Variants in ADAD1 observed in about 807,000 individuals in gnomAD.
ADAD1 encodes adenosine deaminase domain-containing protein 1.
In ADAD1, 46 loss-of-function variants were observed where a neutral mutation model predicts 66.8. The observed-to-expected ratio is 0.69, with a 90% CI of 0.54 to 0.88. The LOEUF is 0.88. Among genes scored for constraint, ADAD1 ranks in the 40% least tolerant of loss-of-function variants. The pLI is 0.00. For synonymous variants in ADAD1, 248 were observed against 229.4 expected (o/e 1.08, Z -0.73); for missense variants, 617 against 681.8 (o/e 0.91, Z 1.06).
In ADAD1 at chr4:122,403,511, C is replaced by T. The variant is rs914302942; in HGVS notation, c.725-4397C>T. Among the ~76,000 whole-genome samples, 4 of 152,178 alleles carry T rather than the reference C, an allele frequency of 2.6e-5. No individual in the cohort carries two copies. The East Asian group carries it at 7.7e-4, about 29-fold the overall frequency. Reference sequence around the variant, plus strand: ...GTTGTCACATGGACAGACTCAGGACCTCTGCTTAGCCAGGATGTTGCAGGC... The same window carrying T: ...GTTGTCACATGGACAGACTCAGGACTTCTGCTTAGCCAGGATGTTGCAGGC... On this transcript the variant is annotated intron_variant, in intron 7 of 12. Coordinates refer to ENST00000296513, the MANE Select transcript of ADAD1 (RefSeq NM_139243.4).
intron 7 of ADAD1, among the ~76,000 whole-genome samples, chr4:122,402,666 T>C (rs1047757142): frequency 1.3e-5 from 2 of 151,984 alleles, no homozygotes; most frequent in Admixed American, 1.3e-4. Context: ...TAATCCCAAA[T>C]TTCTTGGAGG....
intron 11 of ADAD1, among the ~76,000 whole-genome samples, chr4:122,418,034 A>G (rs1796822824): frequency 6.6e-6 from 1 of 152,110 alleles, no homozygotes; most frequent in Non-Finnish European, 1.5e-5. Context: ...GTAACAATAA[A>G]TGATAGAAAT....
At chr4:122,399,531 G>T (rs545115458) in intron 7 of ADAD1, among the ~76,000 whole-genome samples, 2 of 152,160 alleles carry the variant, frequency 1.3e-5, no homozygotes, top group Admixed American at 1.3e-4. Flanking sequence ...AACAGTGATG[G>T]TATTTCTATG....
At chr4:122,409,925 C>T (rs1796394716) in intron 8 of ADAD1, among the ~76,000 whole-genome samples, 2 of 152,088 alleles carry the variant, frequency 1.3e-5, no homozygotes, top group African/African-American at 4.8e-5. Flanking sequence ...TGTGATCTGC[C>T]CCCCTCGGCC....
intron 11 of ADAD1, among the ~76,000 whole-genome samples, chr4:122,417,177 A>C (rs1796776308): frequency 6.6e-6 from 1 of 152,074 alleles, no homozygotes; most frequent in African/African-American, 2.4e-5. Context: ...TCTACTAAAA[A>C]TACAAAAGAT....
intron 12 of ADAD1, 79 bp from the exon 13 acceptor site, chr4:122,429,547 A>G (rs1797420757): frequency 1.4e-6 from 1 of 739,732 alleles, no homozygotes; most frequent in Non-Finnish European, 2.2e-6. Context: ...ATTTCAAGCT[A>G]AAGAAACAGT....
chr4:122,412,895 G>A (rs895871945), intron 10 of ADAD1, 86 bp downstream of exon 10: 16 of 1,137,628 alleles, frequency 1.4e-5, no homozygotes, highest in Middle Eastern at 2.1e-4. Flanking sequence ...ATTAGTTTTA[G>A]TTTTTGCATA....
chr4:122,389,707 G>A (rs1288098509), intron 5 of ADAD1, among the ~76,000 whole-genome samples: 1 of 151,944 alleles, frequency 6.6e-6, no homozygotes, highest in East Asian at 1.9e-4. Context: ...CATTTACTTG[G>A]TAGATTTTCC....
chr4:122,409,923 G>GC (rs1397143642), intron 8 of ADAD1, among the ~76,000 whole-genome samples: 1 of 151,992 alleles, frequency 6.6e-6, no homozygotes, highest in African/African-American at 2.4e-5. Context: ...CTTGTGATCT[G>GC]CCCCCCTCGG....
At chr4:122,422,941 G>T (rs1580811202) in intron 12 of ADAD1, among the ~76,000 whole-genome samples, 1 of 108,478 alleles carries the variant, frequency 9.2e-6, no homozygotes, top group Admixed American at 1.3e-4. Flanking sequence ...GACAGAGCAA[G>T]ACCCTATTTC....
chr4:122,407,332 G>A (rs541204914), intron 7 of ADAD1, among the ~76,000 whole-genome samples: 75 of 152,278 alleles, frequency 4.9e-4, no homozygotes, highest in African/African-American at 1.8e-3. Flanking sequence ...TTTGAATTGT[G>A]TATTTTTGGA....
At chr4:122,400,512 G>T (rs1795924749) in intron 7 of ADAD1, among the ~76,000 whole-genome samples, 2 of 151,990 alleles carry the variant, frequency 1.3e-5, no homozygotes, top group Non-Finnish European at 2.9e-5. Flanking sequence ...GGTGATACTG[G>T]CTTCATAGAA....
intron 10 of ADAD1, among the ~76,000 whole-genome samples, chr4:122,414,278 G>T (rs1239001099): frequency 7.9e-6 from 1 of 127,182 alleles, no homozygotes; most frequent in African/African-American, 2.8e-5. Flanking sequence ...TTTTTTTTGG[G>T]GGGGGGGGTA....
chr4:122,383,480 G>T (rs1795003855), intron 4 of ADAD1, among the ~76,000 whole-genome samples: 1 of 152,174 alleles, frequency 6.6e-6, no homozygotes, highest in Non-Finnish European at 1.5e-5. Context: ...CCGTTTGACA[G>T]ATAGTGGAGT....
At chr4:122,416,116 G>T (rs556491251) in intron 11 of ADAD1, among the ~76,000 whole-genome samples, 1 of 152,194 alleles carries the variant, frequency 6.6e-6, no homozygotes, top group East Asian at 1.9e-4. Context: ...TAGGTTGAGA[G>T]ATTTTATTTA....
At chr4:122,394,575 G>A (rs565505504) in intron 6 of ADAD1, among the ~76,000 whole-genome samples, 2 of 152,296 alleles carry the variant, frequency 1.3e-5, no homozygotes, top group South Asian at 4.1e-4. Flanking sequence ...AGGGAAAATA[G>A]GCCCATTCAA....
chr4:122,414,910 A>G (rs1796657976), intron 10 of ADAD1, among the ~76,000 whole-genome samples: 1 of 152,048 alleles, frequency 6.6e-6, no homozygotes, highest in Non-Finnish European at 1.5e-5. Context: ...ATTATTTTGC[A>G]GTGTGAAATT....
chr4:122,426,622 AG>A (rs1337798849), intron 12 of ADAD1, among the ~76,000 whole-genome samples: 1 of 152,226 alleles, frequency 6.6e-6, no homozygotes, highest in Non-Finnish European at 1.5e-5. Context: ...ACATACAAAA[AG>A]GATTATACTC....
chr4:122,379,198 G>A (rs1216005169), intron 1 of ADAD1, 83 bp downstream of exon 1: 1 of 152,378 alleles, frequency 6.6e-6, no homozygotes, highest in African/African-American at 2.4e-5. Context: ...CATCCCTACA[G>A]TGCTCTGTCA....
Sources: gnomAD v4.1 joint callset for allele counts (sites outside exome capture counted in the v4.1 genomes callset) on GRCh38, gnomAD v4.1.1 for gene constraint, MANE v1.5 for transcripts, NCBI Gene and HGNC (gene_info 2026-07-23, HGNC 2026-07-21) for gene names.